ESYT3: variants seen among roughly 807,000 people sequenced by gnomAD.
The protein encoded by ESYT3 is extended synaptotagmin-3.
ESYT3 carries 101 observed loss-of-function variants against 111.5 expected under a neutral mutation model. The ratio of observed to expected loss-of-function variants is 0.91; its 90% CI spans 0.77 to 1.07. The LOEUF (loss-of-function observed/expected upper bound fraction) is 1.07, where lower values mean the gene tolerates loss of function less well. ESYT3 is among the 50% of genes least tolerant of loss of function. The probability of loss-of-function intolerance (pLI) is 0.00; values close to 1 mark genes in which losing one functional copy is unlikely to be tolerated. For synonymous variants in ESYT3, 416 were observed against 446.8 expected (o/e 0.93, Z 0.87); for missense variants, 1,097 against 1,109.4 (o/e 0.99, Z 0.16).
chr3:138,462,166 A>T lies in ESYT3; in HGVS notation c.875A>T (p.Lys292Met). The change falls in exon 8 of 23, where the codon AAG becomes ATG. Residue 292 changes from lysine to methionine, a missense_variant. Transcript: ENST00000389567. ...AACCGTGTGACTGTGCCTGTGAAGA[A>T]GGGGCTGGATCTGACCAACCTGCGC... ...LPNRVTVPVKKGLDLTNLRFP... is the reference protein window; with the variant it reads ...LPNRVTVPVKMGLDLTNLRFP... 1 of 1,614,210 alleles carries T rather than the reference A, an allele frequency of 6.2e-7. No individual in the cohort carries two copies. Among genetic ancestry groups the T allele is most frequent in the Non-Finnish European group, 8.5e-7 (1 of 1,180,032 alleles).
chr3:138,469,282 C>T, intron 14 of ESYT3, 154 bp from the exon 15 acceptor site: 1 of 671,904 alleles, frequency 1.5e-6, no homozygotes, highest in East Asian at 2.6e-5. Context: ...TAATGACAGC[C>T]CAGGGGGACT....
intron 16 of ESYT3, chr3:138,470,360 C>G (rs1467651691): frequency 1.6e-6 from 2 of 1,265,856 alleles, no homozygotes; most frequent in East Asian, 6.9e-5. Context: ...GATAAATCCT[C>G]AAGTCCCTTG....
intron 1 of ESYT3, among the ~76,000 whole-genome samples, chr3:138,448,254 T>G (rs1576428804): frequency 1.9e-5 from 1 of 53,102 alleles, no homozygotes; most frequent in African/African-American, 8.8e-5. Context: ...GCAACAAAAA[T>G]GAAACTCGAT....
Position 138,476,273 on chromosome 3 carries a change from T to C in ESYT3, c.2519T>C (p.Val840Ala), listed in dbSNP as rs1360139467. 6.2e-7 allele frequency: 1 copy of C among 1,614,056 alleles called. No individual in the cohort carries two copies. The change falls in exon 21 of 23, where the codon GTT (valine) becomes GCT (alanine). Residue 840 changes from valine (V) to alanine (A), a missense_variant. Coordinates refer to ENST00000389567, the MANE Select transcript of ESYT3 (RefSeq NM_031913.5). The stretch of plus-strand genomic sequence containing the variant: ...GAAGTAAAGAAGAGGTCACTAGATG[T>C]TGCAGTGAAAAATAGTAGGCCACTT... The part of the protein sequence containing the change: ...MEEVKKRSLD[V>A]AVKNSRPLGS...
At chr3:138,449,095 T>C (rs1383362518) in intron 1 of ESYT3, among the ~76,000 whole-genome samples, 5 of 146,250 alleles carry the variant, frequency 3.4e-5, no homozygotes, top group Non-Finnish European at 1.5e-5. Flanking sequence ...TTTTTTTTTT[T>C]TTTTTTTGAG....
chr3:138,462,989 T>C (rs149429138), intron 8 of ESYT3, among the ~76,000 whole-genome samples: 3,028 of 152,260 alleles, frequency 0.02, 41 homozygotes, highest in Middle Eastern at 0.048. Context: ...AACAAATACA[T>C]ATATATGGTC....
At position 138,472,577 on chromosome 3, in the gene ESYT3, C is replaced by G; in HGVS notation, c.1955C>G (p.Thr652Ser). ...RSTTTTTSAT[T>S]VATEPTSQET... is the part of the protein sequence containing the mutation. ...ACCACAACCACCACCAGTGCTACCA[C>G]CGTTGCCACTGAGCCCACATCCCAA... Residue 652 changes from threonine to serine, a missense_variant, in exon 18 of 23, where the codon ACC becomes AGC. Thr to Ser is a moderately conservative substitution (Grantham distance 58). Coordinates refer to ENST00000389567, the MANE Select transcript of ESYT3 (RefSeq NM_031913.5). The G allele has an allele frequency of 6.2e-7, 1 of 1,614,252 alleles. No homozygotes were observed.
chr3:138,468,768 C>G, intron 13 of ESYT3, 51 bp downstream of exon 13: 1 of 1,613,706 alleles, frequency 6.2e-7, no homozygotes, highest in African/African-American at 1.3e-5. Flanking sequence ...AAGTGCCCAT[C>G]ACTTTCAAAT....
intron 1 of ESYT3, among the ~76,000 whole-genome samples, chr3:138,448,266 T>TA (rs71146126): frequency 0.3 from 13,244 of 44,556 alleles, 2,664 homozygotes; most frequent in Non-Finnish European, 0.37. Flanking sequence ...AAACTCGATC[T>TA]AAAAAAAAAA....
rs762956473 is a variant in ESYT3 at position 138,446,222 on chromosome 3, G to T, written c.328-5826G>T. Among the ~76,000 whole-genome samples the T allele has an allele frequency of 4.9e-4, 75 of 152,198 alleles. 1 individual carries two copies. Among genetic ancestry groups the T allele is most frequent in the Non-Finnish European group, 1.3e-4 (9 of 68,044 alleles). The stretch of plus-strand genomic sequence containing the variant: ...CTAAATCCCAGACTTTGTAAAAGAG[G>T]TTTCTATAAAACCCCTACATGATGC... On this transcript the variant is annotated intron_variant, in intron 1 of 22. Transcript: ENST00000389567.
rs55931301 is a variant in ESYT3, at chr3:138,453,894, C to T, written c.370-1300C>T. 8.5e-3 allele frequency among the ~76,000 whole-genome samples: 1,301 copies of T among 152,178 alleles called. 22 individuals are homozygous for T. Among genetic ancestry groups the T allele is most frequent in the African/African-American group, 0.029 (1,200 of 41,508 alleles). On this transcript the variant is annotated intron_variant, in intron 2 of 22. Coordinates refer to ENST00000389567, the MANE Select transcript of ESYT3 (RefSeq NM_031913.5). ...TTGAGATGGAGTCTTGCTTTGTTGC[C>T]CAAGCTGGCCTTGAACTCCTAGGCT... is the stretch of plus-strand genomic sequence containing the variant.
At chr3:138,454,109 G>A (rs10935281) in intron 2 of ESYT3, among the ~76,000 whole-genome samples, 70,619 of 152,136 alleles carry the variant, frequency 0.46, 17,836 homozygotes, top group Admixed American at 0.61. Flanking sequence ...ATTAAAATGC[G>A]TGGTGGTGCA....
At position 138,476,566 on chromosome 3, in the gene ESYT3, G is replaced by T. The variant is rs571364918; in HGVS notation, c.2624+74G>T. ...GTTTTCCCTTTTCAGTACTGTTTCA[G>T]CTCCTTTGGTTATCAAGAAGGGAGG... On this transcript the variant is annotated intron_variant, in intron 22 of 22. Transcript: ENST00000389567. 4.4e-5 allele frequency: 64 copies of T among 1,459,876 alleles called. No homozygotes were observed. In the African/African-American group the frequency reaches 6.9e-4, roughly 16 times the overall value. The allele number at this position is 1,459,876 out of a possible 1,614,324, so 90.4% of individuals were successfully genotyped here.
chr3:138,465,613 G>A (rs966175940), intron 10 of ESYT3, among the ~76,000 whole-genome samples, 192 bp downstream of exon 10: 3 of 152,164 alleles, frequency 2.0e-5, no homozygotes, highest in Non-Finnish European at 2.9e-5. Flanking sequence ...TCTCCCAAGT[G>A]CCCAGCCCTG....
Position 138,474,269 on chromosome 3 carries a change from C to G in ESYT3, c.2385C>G (p.Val795=). The part of the protein sequence containing the change: ...TSSGADPYVR[V]YLLPERKWAC... ...GTGGAGCTGATCCCTACGTCCGTGT[C>G]TACTTGTTGCCAGAAAGGAAGTGGG... is the stretch of plus-strand genomic sequence containing the variant. The change falls in exon 20 of 23, where the codon GTC becomes GTG. Residue 795 remains valine, a synonymous_variant. Coordinates refer to ENST00000389567, the MANE Select transcript of ESYT3 (RefSeq NM_031913.5). The G allele has an allele frequency of 1.2e-6, 2 of 1,612,868 alleles. No individual in the cohort carries two copies. Among genetic ancestry groups the G allele is most frequent in the Non-Finnish European group, 1.7e-6 (2 of 1,179,564 alleles).
chr3:138,442,127 T>C (rs932069295), intron 1 of ESYT3, among the ~76,000 whole-genome samples: 13 of 152,156 alleles, frequency 8.5e-5, no homozygotes, highest in Non-Finnish European at 1.3e-4. Context: ...GTGTTTTTTT[T>C]TTTCTGGTCA....
chr3:138,468,285 G>T, intron 12 of ESYT3, 91 bp downstream of exon 12: 1 of 1,213,316 alleles, frequency 8.2e-7, no homozygotes, highest in Non-Finnish European at 1.2e-6. Context: ...GGGAGATGAT[G>T]CCCCCTTCTT....
rs766812623 is a variant in ESYT3 at position 138,470,071 on chromosome 3, C to A, written c.1515C>A (p.His505Gln). ...KKTHTSKTCP[H>Q]NKDPVWSQVF... The stretch of plus-strand genomic sequence containing the variant: ...TCTTCTGTTCCCAGACCTGTCCCCA[C>A]AACAAGGACCCTGTGTGGAGCCAGG... Residue 505 changes from histidine to glutamine, a missense_variant, in exon 16 of 23, where the codon CAC becomes CAA. Physicochemically the swap from His to Gln is conservative, Grantham distance 24. Transcript: ENST00000389567. 1 of 1,612,742 alleles carries A rather than the reference C, an allele frequency of 6.2e-7. No individual in the cohort carries two copies. Among genetic ancestry groups the A allele is most frequent in the South Asian group, 1.1e-5 (1 of 91,002 alleles).
At chr3:138,474,026 C>T (rs1484113851) in intron 19 of ESYT3, among the ~76,000 whole-genome samples, 195 bp from the exon 20 acceptor site, 2 of 152,218 alleles carry the variant, frequency 1.3e-5, no homozygotes, top group South Asian at 2.1e-4. Flanking sequence ...CTAAATTCTA[C>T]AGGCTATTAC....
Sources: gnomAD v4.1 joint callset for allele counts (sites outside exome capture counted in the v4.1 genomes callset) on GRCh38, gnomAD v4.1.1 for gene constraint, MANE v1.5 for transcripts, NCBI Gene and HGNC (gene_info 2026-07-23, HGNC 2026-07-21) for gene names.